The following PIBF1 variants were observed in gnomAD, a reference collection of about 807,000 sequenced individuals.
The protein encoded by PIBF1 is progesterone immunomodulatory binding factor 1, also known as progesterone-induced-blocking factor 1.
Under a neutral mutation model 112.5 loss-of-function variants are expected in PIBF1, and 90 were observed. The ratio of observed to expected loss-of-function variants is 0.80; its 90% CI spans 0.67 to 0.95. The LOEUF (loss-of-function observed/expected upper bound fraction) is 0.95, where lower values mean the gene tolerates loss of function less well. PIBF1 is among the 40% of genes least tolerant of loss of function. The pLI, the probability that PIBF1 is intolerant of heterozygous loss-of-function variation, is 0.00. For synonymous variants in PIBF1, 301 were observed against 288.6 expected (o/e 1.04, Z -0.44); for missense variants, 915 against 852.3 (o/e 1.07, Z -0.92).
intron 2 of PIBF1, among the ~76,000 whole-genome samples, chr13:72,788,684 C>T (rs1402570050): frequency 6.6e-6 from 1 of 152,144 alleles, no homozygotes; most frequent in African/African-American, 2.4e-5. Context: ...AATTGACTAA[C>T]ATTGTATAGC....
At chr13:72,906,374 A>G (rs1250488069) in intron 11 of PIBF1, among the ~76,000 whole-genome samples, 1 of 152,160 alleles carries the variant, frequency 6.6e-6, no homozygotes, top group Non-Finnish European at 1.5e-5. Flanking sequence ...GGAAAATTTT[A>G]CTGTGAGAAC....
intron 11 of PIBF1, among the ~76,000 whole-genome samples, chr13:72,907,601 G>T (rs1444189113): frequency 1.3e-5 from 2 of 151,980 alleles, no homozygotes; most frequent in Admixed American, 6.6e-5. Context: ...TAAAGAATAA[G>T]TAATTGCCTA....
chr13:72,867,679 A>G (rs2038984561), intron 10 of PIBF1, among the ~76,000 whole-genome samples: 1 of 152,176 alleles, frequency 6.6e-6, no homozygotes, highest in Admixed American at 6.5e-5. Flanking sequence ...TTTTTCTTGC[A>G]TCTTTTTGTA....
At chr13:72,811,543 C>T (rs963726475) in intron 5 of PIBF1, among the ~76,000 whole-genome samples, 23 of 147,052 alleles carry the variant, frequency 1.6e-4, no homozygotes, top group African/African-American at 5.0e-4. Context: ...TTGCAGTGAG[C>T]GGAGATCGCG....
chr13:72,910,021 A>G (rs1324141923), intron 12 of PIBF1, among the ~76,000 whole-genome samples: 1 of 152,134 alleles, frequency 6.6e-6, no homozygotes, highest in Non-Finnish European at 1.5e-5. Flanking sequence ...TTCTTATAAA[A>G]ATGGGTTTAA....
At chr13:72,972,391 C>T (rs189211831) in intron 15 of PIBF1, among the ~76,000 whole-genome samples, 20 of 152,218 alleles carry the variant, frequency 1.3e-4, no homozygotes, top group African/African-American at 4.1e-4. Flanking sequence ...CGGCCAGGTG[C>T]GGTGGCTCAC....
intron 14 of PIBF1, among the ~76,000 whole-genome samples, chr13:72,941,202 C>T (rs1177481772): frequency 6.6e-6 from 1 of 152,124 alleles, no homozygotes; most frequent in African/African-American, 2.4e-5. Context: ...GTCTTTCGAC[C>T]GTTGTTTTAT....
At chr13:73,011,019 T>G (rs2044187881) in intron 17 of PIBF1, among the ~76,000 whole-genome samples, 1 of 151,630 alleles carries the variant, frequency 6.6e-6, no homozygotes, top group South Asian at 2.1e-4. Context: ...TAGAGAAGGG[T>G]TTCACCATGT....
In PIBF1 at chr13:72,827,724, T is replaced by C; in HGVS notation, c.916-9T>C. 6.7e-7 allele frequency: 1 copy of C among 1,484,068 alleles called. No individual in the cohort carries two copies. Among genetic ancestry groups the C allele is most frequent in the Non-Finnish European group, 9.0e-7 (1 of 1,105,508 alleles). 91.9% of individuals were successfully genotyped at this position (1,484,068 alleles called of 1,614,324 possible). A position where few individuals can be genotyped will look rare whatever the true frequency, so the allele number is the denominator to read the frequency against. On this transcript the variant is annotated splice_polypyrimidine_tract_variant and intron_variant, in intron 7 of 17. Transcript: ENST00000326291. ...ACTGTGGATACTTTTTGTTTCTACA[T>C]GTATGTAGGTAGTCACCTTAGAGCA... is the stretch of plus-strand genomic sequence containing the variant.
At chr13:72,993,773 G>T (rs892316180) in intron 16 of PIBF1, among the ~76,000 whole-genome samples, 1 of 150,950 alleles carries the variant, frequency 6.6e-6, no homozygotes, top group African/African-American at 2.4e-5. Context: ...GAATCAGGAT[G>T]GCATCAGAGT....
chr13:72,854,945 A>G (rs1386664430), intron 10 of PIBF1, among the ~76,000 whole-genome samples: 1 of 152,204 alleles, frequency 6.6e-6, no homozygotes, highest in East Asian at 1.9e-4. Flanking sequence ...TTAAAAGGAA[A>G]ATAACTGATG....
At chr13:72,973,431 G>A (rs7982531) in intron 15 of PIBF1, among the ~76,000 whole-genome samples, 160 bp from the exon 16 acceptor site, 17,064 of 152,088 alleles carry the variant, frequency 0.11, 2,426 homozygotes, top group African/African-American at 0.33. Flanking sequence ...GCCATTCATT[G>A]GGCCAAACAT....
rs1013148583 is a variant in PIBF1, at chr13:72,991,998, G to A, written c.2050-6824G>A. Among the ~76,000 whole-genome samples the A allele has an allele frequency of 1.2e-4, 18 of 152,246 alleles. 1 individual carries two copies. Among genetic ancestry groups the A allele is most frequent in the African/African-American group, 3.8e-4 (16 of 41,566 alleles). On this transcript the variant is annotated intron_variant, in intron 16 of 17. Coordinates refer to ENST00000326291, the MANE Select transcript of PIBF1 (RefSeq NM_006346.4). ...CTCCCAAAGTGCTGGGATTACAGGC[G>A]TCAGCCACCGTGCCCAGCCCCCGTC... is the stretch of plus-strand genomic sequence containing the variant.
At chr13:72,790,421 TCACACACACACACACACACACA>T (rs57599910) in intron 2 of PIBF1, among the ~76,000 whole-genome samples, 16 of 135,642 alleles carry the variant, frequency 1.2e-4, no homozygotes, top group African/African-American at 4.0e-4. Flanking sequence ...GAGGAGTCCA[TCACACACACACACACACACACA>T]CACACACACA....
chr13:72,933,306 G>A (rs540486200), intron 14 of PIBF1, among the ~76,000 whole-genome samples: 10 of 152,320 alleles, frequency 6.6e-5, no homozygotes, highest in African/African-American at 2.4e-4. Flanking sequence ...GGAGGCCAAG[G>A]CAGGAGAGTC....
chr13:72,973,950 A>C lies in PIBF1; in HGVS notation c.2049+275A>C, dbSNP rs545936158. The C allele has an allele frequency of 9.7e-6, 4 of 411,986 alleles. No homozygotes were observed. In the East Asian group the frequency reaches 1.5e-4, roughly 15 times the overall value. 25.5% of individuals were successfully genotyped at this position (411,986 alleles called of 1,614,324 possible). A position where few individuals can be genotyped will look rare whatever the true frequency, so the allele number is the denominator to read the frequency against. On this transcript the variant is annotated intron_variant, in intron 16 of 17. Coordinates refer to ENST00000326291, the MANE Select transcript of PIBF1 (RefSeq NM_006346.4). The stretch of plus-strand genomic sequence containing the variant: ...CTGTTTTATCTTATTCTGCAACTAG[A>C]CAGTTAATTTCCTTAGTGTGCCTCT...
chr13:73,010,325 G>A (rs1318284748), intron 17 of PIBF1, among the ~76,000 whole-genome samples: 5 of 149,400 alleles, frequency 3.3e-5, no homozygotes, highest in Admixed American at 6.8e-5. Flanking sequence ...AATGGTGGCC[G>A]GGTGCTGTGG....
At chr13:72,815,388 G>T (rs1040409161) in intron 5 of PIBF1, among the ~76,000 whole-genome samples, 5 of 152,114 alleles carry the variant, frequency 3.3e-5, no homozygotes, top group Admixed American at 6.5e-5. Context: ...ATATGAGTTT[G>T]TTACCTTGTG....
intron 11 of PIBF1, among the ~76,000 whole-genome samples, chr13:72,894,608 A>G (rs1280138077): frequency 1.3e-5 from 2 of 151,752 alleles, no homozygotes; most frequent in East Asian, 3.8e-4. Flanking sequence ...TCAAATCAGT[A>G]GGGAAAGTAT....
Sources: gnomAD v4.1 joint callset for allele counts (sites outside exome capture counted in the v4.1 genomes callset) on GRCh38, gnomAD v4.1.1 for gene constraint, MANE v1.5 for transcripts, NCBI Gene and HGNC (gene_info 2026-07-23, HGNC 2026-07-21) for gene names.